Variants in CCSER1 observed in about 807,000 individuals in gnomAD.
The protein encoded by CCSER1 is coiled-coil serine rich protein 1, also known as serine-rich coiled-coil domain-containing protein 1.
Under a neutral mutation model 82.0 loss-of-function variants are expected in CCSER1, and 41 were observed. That is an observed-to-expected ratio of 0.50 (90% CI 0.39 to 0.65). The LOEUF (loss-of-function observed/expected upper bound fraction) is 0.65. Ranked by LOEUF, CCSER1 falls within the 30% of genes least tolerant of loss-of-function variation. CCSER1 has a pLI of 0.00. For missense variants in CCSER1, 1,119 were observed against 1,064.2 expected (o/e 1.05, Z -0.72); for synonymous variants, 414 against 383.9 (o/e 1.08, Z -0.92).
intron 10 of CCSER1, among the ~76,000 whole-genome samples, chr4:91,558,698 T>C (rs112467125): frequency 6.6e-6 from 1 of 151,378 alleles, no homozygotes; most frequent in Non-Finnish European, 1.5e-5. Flanking sequence ...AGAAGCAAAG[T>C]TGGAAACCCC....
At chr4:90,339,156 C>G (rs1263058212) in intron 3 of CCSER1, among the ~76,000 whole-genome samples, 3 of 152,196 alleles carry the variant, frequency 2.0e-5, no homozygotes, top group African/African-American at 7.2e-5. Context: ...CCCCGTTACT[C>G]ATGCCAAAAA....
intron 9 of CCSER1, among the ~76,000 whole-genome samples, chr4:91,044,499 C>T (rs1213226844): frequency 1.3e-5 from 2 of 152,150 alleles, no homozygotes; most frequent in Non-Finnish European, 2.9e-5. Flanking sequence ...CTACATGATC[C>T]TGCAGTTTCT....
intron 9 of CCSER1, among the ~76,000 whole-genome samples, chr4:90,991,930 A>T (rs1036679413): frequency 6.6e-6 from 1 of 151,930 alleles, no homozygotes; most frequent in Non-Finnish European, 1.5e-5. Context: ...TGGAGTGACC[A>T]TTGAAGTTAA....
intron 8 of CCSER1, among the ~76,000 whole-genome samples, chr4:90,837,837 A>G (rs1762000180): frequency 6.6e-6 from 1 of 152,178 alleles, no homozygotes; most frequent in South Asian, 2.1e-4. Context: ...TTAATGTATC[A>G]GAAGTAGTTG....
At chr4:90,890,977 C>A (rs2150112741) in intron 8 of CCSER1, among the ~76,000 whole-genome samples, 1 of 151,994 alleles carries the variant, frequency 6.6e-6, no homozygotes, top group South Asian at 2.1e-4. Context: ...AAATAAGACC[C>A]ATAAGAGACT....
rs1209379925 is a variant in CCSER1, at chr4:90,177,603, ACCT to A, written c.-42+49777_-42+49779del. Among the ~76,000 whole-genome samples, 6 of 151,394 alleles carry A rather than the reference ACCT, an allele frequency of 4.0e-5. No homozygotes were observed. The East Asian group carries it at 1.2e-3, about 29-fold the overall frequency. ...TTTTCTTATGTTTCTTTTTGCATGA[ACCT>A]CCTCAAGTCATCACCCACTGCCCCA... is the stretch of plus-strand genomic sequence containing the variant. On this transcript the variant is annotated intron_variant, in intron 1 of 10. Coordinates refer to ENST00000509176, the MANE Select transcript of CCSER1 (RefSeq NM_001145065.2).
intron 10 of CCSER1, among the ~76,000 whole-genome samples, chr4:91,154,303 T>A (rs1312047162): frequency 1.3e-5 from 2 of 152,082 alleles, no homozygotes; most frequent in African/African-American, 4.8e-5. Flanking sequence ...TGTGGGACCC[T>A]CTGAGCCAGG....
intron 10 of CCSER1, among the ~76,000 whole-genome samples, chr4:91,441,422 C>G (rs542002018): frequency 1.8e-3 from 23 of 12,550 alleles, no homozygotes; most frequent in South Asian, 5.2e-3. Context: ...ATTCAACAAC[C>G]CTTCATGCTA....
At chr4:91,472,510 A>C (rs528338126) in intron 10 of CCSER1, among the ~76,000 whole-genome samples, 1 of 152,342 alleles carries the variant, frequency 6.6e-6, no homozygotes, top group African/African-American at 2.4e-5. Context: ...TTATCTTTCC[A>C]AAAGCTACTT....
chr4:90,492,187 A>T (rs1768144850), intron 5 of CCSER1, among the ~76,000 whole-genome samples: 1 of 152,056 alleles, frequency 6.6e-6, no homozygotes, highest in African/African-American at 2.4e-5. Flanking sequence ...TATTGCCTCA[A>T]TTTCAGAGCC....
chr4:90,440,007 AT>A (rs539683871), intron 4 of CCSER1, among the ~76,000 whole-genome samples: 50 of 147,274 alleles, frequency 3.4e-4, no homozygotes, highest in South Asian at 1.9e-3. Flanking sequence ...TTGTTATTTT[AT>A]TTTTTTTTTT....
intron 5 of CCSER1, 94 bp downstream of exon 5, chr4:90,468,448 TAAAG>T: frequency 9.0e-7 from 1 of 1,113,210 alleles, no homozygotes; most frequent in African/African-American, 1.6e-5. Flanking sequence ...AATATTAGTA[TAAAG>T]AAAGAAGAAA....
chr4:91,071,404 A>G (rs1464232763), intron 9 of CCSER1, among the ~76,000 whole-genome samples: 2 of 152,346 alleles, frequency 1.3e-5, no homozygotes, highest in Non-Finnish European at 2.9e-5. Flanking sequence ...CAAAGACTTG[A>G]TAAGCCATGG....
intron 10 of CCSER1, among the ~76,000 whole-genome samples, chr4:91,104,898 TA>T (rs1281037451): frequency 6.6e-6 from 1 of 152,222 alleles, no homozygotes; most frequent in Non-Finnish European, 1.5e-5. Flanking sequence ...AGCCTCATTT[TA>T]TTTTTCTTTT....
At chr4:90,581,823 A>C (rs936241575) in intron 5 of CCSER1, among the ~76,000 whole-genome samples, 1 of 152,118 alleles carries the variant, frequency 6.6e-6, no homozygotes, top group Non-Finnish European at 1.5e-5. Flanking sequence ...GGATTTAGAC[A>C]AAAAAATAGC....
Position 91,290,321 on chromosome 4 carries a change from A to G in CCSER1, c.2217+204327A>G, listed in dbSNP as rs1277753094. ...GTGCTATATTTATATATAATTTATG[A>G]CATGTTGTGATTTAATGTGTGGCCT... On this transcript the variant is annotated intron_variant, in intron 10 of 10. Transcript: ENST00000509176. 2.0e-5 allele frequency among the ~76,000 whole-genome samples: 3 copies of G among 151,940 alleles called. No individual in the cohort carries two copies. In the East Asian group the frequency reaches 5.8e-4, roughly 29 times the overall value.
At chr4:91,512,155 G>A (rs1759862548) in intron 10 of CCSER1, among the ~76,000 whole-genome samples, 1 of 152,160 alleles carries the variant, frequency 6.6e-6, no homozygotes. Context: ...AGGACGCAAT[G>A]TACCGTTTTT....
At chr4:90,449,433 GC>G (rs1761125784) in intron 4 of CCSER1, among the ~76,000 whole-genome samples, 1 of 152,206 alleles carries the variant, frequency 6.6e-6, no homozygotes, top group African/African-American at 2.4e-5. Context: ...TCAAGGTGGG[GC>G]TTCACTGGGG....
chr4:91,156,175 G>A (rs1027807213), intron 10 of CCSER1, among the ~76,000 whole-genome samples: 1 of 151,260 alleles, frequency 6.6e-6, no homozygotes, highest in Non-Finnish European at 1.5e-5. Flanking sequence ...GCCAAATAGG[G>A]GTTCATTATA....
Sources: gnomAD v4.1 joint callset for allele counts (sites outside exome capture counted in the v4.1 genomes callset) on GRCh38, gnomAD v4.1.1 for gene constraint, MANE v1.5 for transcripts, NCBI Gene and HGNC (gene_info 2026-07-23, HGNC 2026-07-21) for gene names.